PCYT1B: variants seen among roughly 807,000 people sequenced by gnomAD.
The protein encoded by PCYT1B is phosphate cytidylyltransferase 1B, choline.
Under a neutral mutation model 26.4 loss-of-function variants are expected in PCYT1B, and 10 were observed. The ratio of observed to expected loss-of-function variants is 0.38; its 90% confidence interval spans 0.23 to 0.64. PCYT1B has a LOEUF of 0.64. Among genes scored for constraint, PCYT1B ranks in the 30% least tolerant of loss-of-function variants. The pLI is 0.56. For missense variants in PCYT1B, 161 were observed against 292.7 expected (o/e 0.55, Z 3.28); for synonymous variants, 131 against 108.4 (o/e 1.21, Z -1.29).
Position 24,560,377 on chromosome X carries a change from C to G in PCYT1B, c.*1916G>C, listed in dbSNP as rs1372732234. ...GGTAGGCAGACTTGCATGGCTTGAC[C>G]TGAGTGCATGATGGAAGACAGAGAC... is the stretch of plus-strand genomic sequence containing the variant. On this transcript the variant is annotated 3_prime_UTR_variant, in exon 8 of 8. Coordinates refer to ENST00000379144, the MANE Select transcript of PCYT1B (RefSeq NM_004845.5). 1 of 111,896 alleles carries G rather than the reference C, an allele frequency of 8.9e-6. No individual in the cohort carries two copies. The highest frequency in any genetic ancestry group is 9.5e-5 in the Admixed American group (1 of 10,576). 9.2% of individuals were successfully genotyped at this position (111,896 alleles called of 1,213,427 possible). A position where few individuals can be genotyped will look rare whatever the true frequency, so the allele number is the denominator to read the frequency against.
intron 6 of PCYT1B, among the ~76,000 whole-genome samples, chrX:24,575,932 T>C (rs1361808189): frequency 8.9e-6 from 1 of 112,508 alleles, no homozygotes; most frequent in Non-Finnish European, 1.9e-5. Flanking sequence ...GTTCTTCTTA[T>C]AGTCTTTCTG....
At chrX:24,626,000 G>A (rs1925872223) in intron 1 of PCYT1B, among the ~76,000 whole-genome samples, 2 of 108,652 alleles carry the variant, frequency 1.8e-5, no homozygotes, top group South Asian at 8.3e-4. Flanking sequence ...TGTAATCCCA[G>A]CTACTTGGAA....
chrX:24,562,329 G>A lies in PCYT1B; in HGVS notation c.1074C>T (p.Ile358=). The A allele has an allele frequency of 1.7e-6, 2 of 1,166,282 alleles. No homozygotes were observed. The highest frequency in any genetic ancestry group is 2.4e-4 in the Middle Eastern group (1 of 4,088). The change falls in exon 8 of 8, where the codon ATC becomes ATT. Residue 358 remains isoleucine (I), a synonymous_variant. Transcript: ENST00000379144. ...CCTCATCCCCCTCGCTCATGCTGCT[G>A]ATAGAGGCTGAGGCTGCTTTGGGTG... ...PSSPKAASAS[I]SSMSEGDEDE...
intron 4 of PCYT1B, 133 bp downstream of exon 4, chrX:24,589,890 G>T: frequency 2.0e-6 from 1 of 496,848 alleles, no homozygotes; most frequent in Non-Finnish European, 3.2e-6. Context: ...GCCACATCAA[G>T]CAGTTCCACA....
intron 1 of PCYT1B, among the ~76,000 whole-genome samples, chrX:24,628,373 A>T (rs1244933924): frequency 8.9e-6 from 1 of 111,827 alleles, no homozygotes; most frequent in Non-Finnish European, 1.9e-5. Flanking sequence ...GAATGGGGGA[A>T]TTTAAAGTCA....
intron 7 of PCYT1B, among the ~76,000 whole-genome samples, chrX:24,569,243 T>C (rs1395704047): frequency 9.1e-6 from 1 of 109,826 alleles, no homozygotes; most frequent in African/African-American, 3.3e-5. Flanking sequence ...AAATTAGCAG[T>C]GCCTAAAATT....
intron 1 of PCYT1B, among the ~76,000 whole-genome samples, chrX:24,654,094 TTCTTTC>T (rs200678113): frequency 2.9e-5 from 1 of 34,386 alleles, no homozygotes. Flanking sequence ...TTTTCTTTCT[TTCTTTC>T]TTTTTTTTTT....
chrX:24,597,120 T>C (rs1924807629), intron 3 of PCYT1B, among the ~76,000 whole-genome samples: 2 of 110,115 alleles, frequency 1.8e-5, no homozygotes. Context: ...ACTTTTCTTT[T>C]TTCTTTTCTT....
intron 1 of PCYT1B, among the ~76,000 whole-genome samples, chrX:24,630,956 A>AC (rs1926063515): frequency 2.7e-5 from 3 of 110,617 alleles, no homozygotes; most frequent in Non-Finnish European, 5.7e-5. Flanking sequence ...GGAGTCTTGC[A>AC]TTGTTGCCCA....
At chrX:24,590,264 A>G in intron 3 of PCYT1B, 90 bp from the exon 4 acceptor site, 1 of 806,592 alleles carries the variant, frequency 1.2e-6, no homozygotes, top group South Asian at 3.0e-5. Flanking sequence ...TCAGCAGGAC[A>G]AAAGAAGCAC....
In PCYT1B at chrX:24,639,824, C is replaced by T. The variant is rs1305662276; in HGVS notation, c.117+7165G>A. On this transcript the variant is annotated intron_variant, in intron 1 of 7. Transcript: ENST00000379144. ...TCTTTTTTTCTCCCTGAAGCCAATC[C>T]TTCCACTTGTGCACTGGAGCCCAAC... Among the ~76,000 whole-genome samples, 6 of 110,939 alleles carry T rather than the reference C, an allele frequency of 5.4e-5. No homozygotes were observed. In the East Asian group the frequency reaches 1.1e-3, roughly 21 times the overall value.
chrX:24,656,551 CTTTTTTTTTTTTT>C (rs1179469896), intron 1 of PCYT1B, among the ~76,000 whole-genome samples: 1 of 56,639 alleles, frequency 1.8e-5, no homozygotes, highest in South Asian at 1.1e-3. Context: ...TCTTTTTTTC[CTTTTTTTTTTTTT>C]TTTTTTTTTT....
intron 1 of PCYT1B, among the ~76,000 whole-genome samples, chrX:24,670,891 G>T (rs1453076565): frequency 1.8e-5 from 2 of 111,418 alleles, no homozygotes; most frequent in Admixed American, 1.9e-4. Context: ...AGTGATATTT[G>T]CACAGATTTA....
chrX:24,662,679 G>T (rs977380388), intron 1 of PCYT1B, among the ~76,000 whole-genome samples: 4 of 111,734 alleles, frequency 3.6e-5, no homozygotes, highest in African/African-American at 1.3e-4. Context: ...TAGTCTCTTT[G>T]TTTGGGTTGG....
intron 5 of PCYT1B, among the ~76,000 whole-genome samples, chrX:24,581,542 A>G (rs1280097985): frequency 3.6e-5 from 4 of 111,060 alleles, no homozygotes; most frequent in Non-Finnish European, 7.6e-5. Flanking sequence ...AAATATCTCA[A>G]CCCTCAGACT....
intron 1 of PCYT1B, among the ~76,000 whole-genome samples, chrX:24,619,340 G>A (rs1483408394): frequency 8.9e-6 from 1 of 111,794 alleles, no homozygotes; most frequent in African/African-American, 3.2e-5. Flanking sequence ...TACTAGATGA[G>A]ATACTCTGCT....
At chrX:24,577,923 CT>C (rs1372837612) in intron 6 of PCYT1B, among the ~76,000 whole-genome samples, 2 of 110,887 alleles carry the variant, frequency 1.8e-5, no homozygotes, top group African/African-American at 6.6e-5. Context: ...TTTTTAACAG[CT>C]TGTTTTGCTT....
intron 1 of PCYT1B, among the ~76,000 whole-genome samples, chrX:24,671,062 G>A (rs779179731): frequency 5.4e-5 from 6 of 110,186 alleles, no homozygotes; most frequent in African/African-American, 1.7e-4. Context: ...CCACCTCCTG[G>A]GTTCAAGCAA....
intron 7 of PCYT1B, among the ~76,000 whole-genome samples, chrX:24,564,598 C>T (rs1923560954): frequency 9.0e-6 from 1 of 110,570 alleles, no homozygotes; most frequent in South Asian, 3.9e-4. Flanking sequence ...GTGATCCGCC[C>T]ACTTTGGCCT....
Sources: allele counts gnomAD v4.1 joint callset (sites outside exome capture counted in the v4.1 genomes callset), GRCh38; gene constraint gnomAD v4.1.1; transcripts MANE v1.5; gene names NCBI Gene and HGNC (gene_info 2026-07-23, HGNC 2026-07-21).